The following MYH7 variants were observed in gnomAD, a reference collection of about 807,000 sequenced individuals.
The protein encoded by MYH7 is myosin heavy chain 7.
In MYH7, 129 loss-of-function variants were observed where a neutral mutation model predicts 225.4. That is an observed-to-expected ratio of 0.57 (90% CI 0.50 to 0.66). The LOEUF is 0.66. Ranked by LOEUF, MYH7 falls within the 30% of genes least tolerant of loss-of-function variation. The pLI is 0.00. For synonymous variants in MYH7, 971 were observed against 1,007.6 expected (o/e 0.96, Z 0.69); for missense variants, 1,649 against 2,517.0 (o/e 0.66, Z 7.38).
Position 23,426,651 on chromosome 14 carries a change from C to T in MYH7, c.2044+126G>A, listed in dbSNP as rs1321877794. 6.8e-5 allele frequency: 59 copies of T among 869,226 alleles called. No homozygotes were observed. In the Admixed American group the frequency reaches 7.3e-4, roughly 11 times the overall value. The allele number at this position is 869,226 out of a possible 1,614,324, so 53.8% of individuals were successfully genotyped here. ...GGGAGGTACCCTGGGAGGCCTCATG[C>T]GGGATGGGAGGAGAAGAATGTGGTT... On this transcript the variant is annotated intron_variant, in intron 18 of 39. Coordinates refer to ENST00000355349, the MANE Select transcript of MYH7 (RefSeq NM_000257.4).
chr14:23,433,607 G>A lies in MYH7; in HGVS notation c.126C>T (p.Asp42=). The change falls in exon 3 of 40, where the codon GAC becomes GAT. Residue 42 remains aspartate, a synonymous_variant. Coordinates refer to ENST00000355349, the MANE Select transcript of MYH7 (RefSeq NM_000257.4). This position sits in a 1 kb window ranked among gnomAD's most constrained non-coding sequence, Gnocchi z 4.1. ...TCTTGGCCTTGACAAACTCCTGTTT[G>A]TCATCAGGCACGAAGACATCCTTCT... is the stretch of plus-strand genomic sequence containing the variant. ...DLKKDVFVPD[D]KQEFVKAKIV... is the part of the protein sequence containing the mutation. 6.2e-7 allele frequency: 1 copy of A among 1,614,248 alleles called. No individual in the cohort carries two copies. The highest frequency in any genetic ancestry group is 8.5e-7 in the Non-Finnish European group (1 of 1,180,042).
intron 25 of MYH7, 116 bp downstream of exon 25, chr14:23,422,064 C>A (rs756833086): frequency 6.7e-7 from 1 of 1,484,064 alleles, no homozygotes; most frequent in Non-Finnish European, 9.3e-7. Context: ...CCATGGTTTG[C>A]GCCTCCACTT....
In MYH7 at chr14:23,427,706, G is replaced by T; in HGVS notation, c.1767C>A (p.Asn589Lys). Reference protein sequence around the residue: ...LIHYAGIVDYNIIGWLQKNKD... With the variant: ...LIHYAGIVDYKIIGWLQKNKD... ...TGTTCTTCTGCAGCCAGCCAATGAT[G>T]TTGTAGTCCACGATGCCGGCATAGT... is the stretch of plus-strand genomic sequence containing the variant. The change falls in exon 16 of 40, where the codon AAC becomes AAA. Residue 589 changes from asparagine (N) to lysine (K), a missense_variant. By Grantham distance (94) the Asn-to-Lys change is moderately conservative. Coordinates refer to ENST00000355349, the MANE Select transcript of MYH7 (RefSeq NM_000257.4). 6.2e-7 allele frequency: 1 copy of T among 1,614,206 alleles called. No individual in the cohort carries two copies. Among genetic ancestry groups the T allele is most frequent in the Non-Finnish European group, 8.5e-7 (1 of 1,180,042 alleles).
At position 23,424,804 on chromosome 14, in the gene MYH7, G is replaced by A. The variant is rs397516160; in HGVS notation, c.2644C>T (p.Gln882Ter). ...TGGAGCTGCAGGTCATTCTTCTCCT[G>A]CAGCAGGGACACCATCTTCTCCTCC... Reference protein sequence around the residue: ...ELEEKMVSLLQEKNDLQLQVQ... With the variant: ...ELEEKMVSLL Residue 882 changes from glutamine (Q) to a stop codon, truncating the protein, a stop_gained, in exon 22 of 40, where the codon CAG (glutamine) becomes TAG (stop). Transcript: ENST00000355349. LOFTEE classifies it high-confidence loss of function. The A allele has an allele frequency of 1.2e-6, 2 of 1,614,184 alleles. No individual in the cohort carries two copies. Among genetic ancestry groups the A allele is most frequent in the Non-Finnish European group, 1.7e-6 (2 of 1,180,034 alleles).
chr14:23,432,712 C>T lies in MYH7; in HGVS notation c.429G>A (p.Arg143=), dbSNP rs1469298161. The change falls in exon 5 of 40, where the codon CGG becomes CGA. Residue 143 remains arginine (R), a synonymous_variant. Transcript: ENST00000355349. ...VYTPEVVAAY[R]GKKRSEAPPH... ...GCGGGGCCTCGCTCCTCTTCTTGCCCCGGTAGGCAGCCACCACCTCAGGAG... is the reference window on the plus strand; with the variant it reads ...GCGGGGCCTCGCTCCTCTTCTTGCCTCGGTAGGCAGCCACCACCTCAGGAG... 6.2e-7 allele frequency: 1 copy of T among 1,614,114 alleles called. No homozygotes were observed. Among genetic ancestry groups the T allele is most frequent in the Non-Finnish European group, 8.5e-7 (1 of 1,180,020 alleles).
chr14:23,432,371 T>G, intron 6 of MYH7, 108 bp downstream of exon 6: 1 of 1,388,952 alleles, frequency 7.2e-7, no homozygotes, highest in South Asian at 1.2e-5. Context: ...GGCACGAGGT[T>G]GGGGGGAAAG....
chr14:23,422,842 G>C (rs910823920), intron 24 of MYH7, among the ~76,000 whole-genome samples: 3 of 152,128 alleles, frequency 2.0e-5, no homozygotes, highest in African/African-American at 7.2e-5. Context: ...TATTGGCCAG[G>C]ATGGTCTCGA....
chr14:23,433,524 AC>A lies in MYH7; in HGVS notation c.201+7del. On this transcript the variant is annotated splice_region_variant and intron_variant, in intron 3 of 39. Transcript: ENST00000355349. This position sits in a 1 kb window ranked among gnomAD's most constrained non-coding sequence, Gnocchi z 4.1. ...CAGGGTGGACTCTCACATCAGCCTG[AC>A]ACCCACCTTGCCATACTCGGTCTCG... 6.2e-7 allele frequency: 1 copy of A among 1,613,330 alleles called. No homozygotes were observed. The highest frequency in any genetic ancestry group is 8.5e-7 in the Non-Finnish European group (1 of 1,179,904).
At chr14:23,429,574 G>C (rs1892841570) in intron 12 of MYH7, among the ~76,000 whole-genome samples, 1 of 151,988 alleles carries the variant, frequency 6.6e-6, no homozygotes, top group East Asian at 1.9e-4. Context: ...TACTCGGGAG[G>C]CTGAGGCAGG....
intron 37 of MYH7, 54 bp downstream of exon 37, chr14:23,414,941 T>C: frequency 6.2e-7 from 1 of 1,600,946 alleles, no homozygotes. Context: ...CCTCAGCTGG[T>C]TGTCACTGTG....
Position 23,423,712 on chromosome 14 carries a change from C to G in MYH7, c.2934G>C (p.Leu978=), listed in dbSNP as rs1450353970. ...CATCCAGCCCAGCCATCTCCTCTGT[C>G]AGGTTTTTCACCTGCCGACCAAGAA... ...KHATENKVKN[L]TEEMAGLDEI... is the part of the protein sequence containing the mutation. The change falls in exon 24 of 40, where the codon CTG becomes CTC. Residue 978 remains leucine (L), a synonymous_variant. Transcript: ENST00000355349. The G allele has an allele frequency of 2.5e-6, 4 of 1,613,980 alleles. No homozygotes were observed.
intron 12 of MYH7, 48 bp downstream of exon 12, chr14:23,429,727 T>C (rs1200894349): frequency 2.5e-6 from 4 of 1,604,316 alleles, no homozygotes; most frequent in Non-Finnish European, 3.4e-6. Context: ...TGAGCAGACA[T>C]GGCCCTCCAT....
intron 31 of MYH7, 77 bp downstream of exon 31, chr14:23,417,426 G>T: frequency 1.2e-6 from 2 of 1,611,848 alleles, no homozygotes; most frequent in Non-Finnish European, 8.5e-7. Flanking sequence ...CTCCAAGGAG[G>T]ATGGCTCTGG....
At chr14:23,421,508 T>C (rs570892777) in intron 25 of MYH7, among the ~76,000 whole-genome samples, 1 of 152,364 alleles carries the variant, frequency 6.6e-6, no homozygotes, top group Admixed American at 6.5e-5. Flanking sequence ...TATTTATTCA[T>C]TTATTCAACA....
chr14:23,421,625 C>T (rs914732085), intron 25 of MYH7: 1 of 456,992 alleles, frequency 2.2e-6, no homozygotes, highest in Admixed American at 6.4e-5. Context: ...GCCTGAAACA[C>T]CATAAGACCT....
chr14:23,417,952 C>G (rs765006810), intron 30 of MYH7: 2 of 866,694 alleles, frequency 2.3e-6, no homozygotes, highest in African/African-American at 1.6e-5. Flanking sequence ...CACTGCCTTT[C>G]CCTGCCACAG....
Position 23,433,488 on chromosome 14 carries a change from G to T in MYH7, c.201+44C>A. On this transcript the variant is annotated intron_variant, in intron 3 of 39. Transcript: ENST00000355349. The surrounding 1 kb of genome is among the most constrained non-coding windows in gnomAD (Gnocchi z 4.1). ...TGTACCCCTCTCTGTCCACCCAGGT[G>T]TACAGGTGGCCAGGGTGGACTCTCA... 1 of 1,591,416 alleles carries T rather than the reference G, an allele frequency of 6.3e-7. No homozygotes were observed. The highest frequency in any genetic ancestry group is 8.6e-7 in the Non-Finnish European group (1 of 1,162,054).
Position 23,427,639 on chromosome 14 carries a change from A to G in MYH7, c.1834T>C (p.Ser612Pro). ...AGGGTGCTGAGCAGCTTGAGGGAAG[A>G]CTTCTGATACAAGCCCACGACAGTC... ...NETVVGLYQK[S>P]SLKLLSTLFA... The change falls in exon 16 of 40, where the codon TCT becomes CCT. Residue 612 changes from serine to proline, a missense_variant. By Grantham distance (74) the Ser-to-Pro change is moderately conservative (BLOSUM62 -1). Around this residue, in one of 12 missense-constraint regions of MYH7, gnomAD observed 112 missense variants for 161.9 expected, o/e 0.69. Transcript: ENST00000355349. The G allele has an allele frequency of 6.2e-7, 1 of 1,614,172 alleles. No individual in the cohort carries two copies. Among genetic ancestry groups the G allele is most frequent in the Non-Finnish European group, 8.5e-7 (1 of 1,180,024 alleles).
At chr14:23,417,402 C>T (rs530338979) in intron 31 of MYH7, 84 bp from the exon 32 acceptor site, 67 of 1,611,498 alleles carry the variant, frequency 4.2e-5, no homozygotes, top group Non-Finnish European at 5.0e-5. Flanking sequence ...CTGGGCTCAG[C>T]CCTCCTCCCC....
Sources: gnomAD v4.1 joint callset for allele counts (sites outside exome capture counted in the v4.1 genomes callset) on GRCh38, gnomAD v4.1.1 for gene constraint, gnomAD v4.1.1 regional missense constraint, Gnocchi (gnomAD v3.1) non-coding constraint, MANE v1.5 for transcripts, NCBI Gene and HGNC (gene_info 2026-07-23, HGNC 2026-07-21) for gene names.